The following GSN variants were observed in gnomAD, a reference collection of about 807,000 sequenced individuals.
GSN encodes the protein gelsolin.
A neutral mutation model predicts 85.7 loss-of-function variants in GSN; 56 were observed. The observed-to-expected ratio is 0.65, with a 90% CI of 0.53 to 0.82. The LOEUF (loss-of-function observed/expected upper bound fraction) is 0.82, where lower values mean the gene tolerates loss of function less well. Ranked by LOEUF, GSN falls within the 40% of genes least tolerant of loss-of-function variation. The pLI is 0.00. For missense variants in GSN, 857 were observed against 979.8 expected (o/e 0.87, Z 1.67); for synonymous variants, 373 against 399.1 (o/e 0.93, Z 0.78).
chr9:121,318,485 G>A lies in GSN; in HGVS notation c.966G>A (p.Lys322=), dbSNP rs1325684104. The A allele has an allele frequency of 1.9e-6, 3 of 1,612,864 alleles. No homozygotes were observed. Among genetic ancestry groups the A allele is most frequent in the Admixed American group, 3.3e-5 (2 of 60,030 alleles). Residue 322 remains lysine, a synonymous_variant, in exon 9 of 18, where the codon AAG becomes AAA. Transcript: ENST00000432226. This position sits in a 1 kb window ranked among gnomAD's most constrained non-coding sequence, Gnocchi z 4.3. ...SDFITKMDYP[K]QTQVSVLPEG... is the part of the protein sequence containing the mutation. ...TCATCACCAAGATGGACTACCCCAA[G>A]CAGACTCAGGTGAGTCTTGGAGGCC...
At chr9:121,218,258 C>G (rs534521739) in intron 4 of GSN, among the ~76,000 whole-genome samples, 1 of 152,294 alleles carries the variant, frequency 6.6e-6, no homozygotes, top group African/African-American at 2.4e-5. Context: ...TTGAGAATAA[C>G]AGGGAATTGC....
At chr9:121,298,851 G>A (rs1365410223) in intron 2 of GSN, among the ~76,000 whole-genome samples, 1 of 152,150 alleles carries the variant, frequency 6.6e-6, no homozygotes, top group Non-Finnish European at 1.5e-5. Context: ...AGTTTGGATA[G>A]CACTTCCCTT....
chr9:121,290,935 C>A (rs977496784), intron 2 of GSN, among the ~76,000 whole-genome samples: 2 of 151,988 alleles, frequency 1.3e-5, no homozygotes, highest in Non-Finnish European at 2.9e-5. Flanking sequence ...CCTCAGCCTC[C>A]CAAAGTGCTG....
At chr9:121,222,149 T>A (rs1007273232) in intron 4 of GSN, 2 of 152,200 alleles carry the variant, frequency 1.3e-5, no homozygotes, top group Non-Finnish European at 2.9e-5. Flanking sequence ...TTGGATCATA[T>A]GAAATGTATA....
upstream of GSN, among the ~76,000 whole-genome samples, chr9:121,266,015 A>G (rs1229763142): frequency 1.3e-5 from 2 of 152,092 alleles, no homozygotes; most frequent in Middle Eastern, 3.2e-3. Flanking sequence ...TCATCAATCA[A>G]TCATCATCAT....
intron 4 of GSN, among the ~76,000 whole-genome samples, chr9:121,228,184 G>T (rs998972863): frequency 1.3e-5 from 2 of 151,824 alleles, no homozygotes; most frequent in Admixed American, 1.3e-4. Context: ...ATCTTAGGAA[G>T]CATGCCTTCC....
intron 6 of GSN, among the ~76,000 whole-genome samples, chr9:121,255,036 C>T (rs184830111): frequency 6.6e-6 from 1 of 152,228 alleles, no homozygotes; most frequent in East Asian, 1.9e-4. Context: ...GCAAGCTCTG[C>T]CCCCTGGGTT....
At chr9:121,240,259 G>T (rs148745485) in intron 5 of GSN, among the ~76,000 whole-genome samples, 1 of 152,088 alleles carries the variant, frequency 6.6e-6, no homozygotes, top group Non-Finnish European at 1.5e-5. Context: ...TCCAATTAAG[G>T]TTGCATTCAG....
Position 121,261,802 on chromosome 9 carries a change from A to G in GSN, c.-340-3352A>G, listed in dbSNP as rs2055091985. ...CCAGCCACTGTTGACAGAGCCCTTT[A>G]TATGCCTGAGGCCTTGACACAGAGA... is the stretch of plus-strand genomic sequence containing the variant. On this transcript the variant is annotated intron_variant, in intron 6 of 24. Coordinates refer to the GSN transcript ENST00000373823. The surrounding 1 kb of genome is among the most constrained non-coding windows in gnomAD (Gnocchi z 4.1). 6.6e-6 allele frequency among the ~76,000 whole-genome samples: 1 copy of G among 152,150 alleles called. No individual in the cohort carries two copies. Among genetic ancestry groups the G allele is most frequent in the South Asian group, 2.1e-4 (1 of 4,826 alleles).
chr9:121,251,146 A>ATTT (rs1159262667), intron 6 of GSN, among the ~76,000 whole-genome samples: 2 of 142,704 alleles, frequency 1.4e-5, no homozygotes, highest in African/African-American at 5.3e-5. Context: ...TTTTAAGTAA[A>ATTT]TTTTTGAACT....
In GSN at chr9:121,253,746, T is replaced by C. The variant is rs536667207; in HGVS notation, c.-341+5423T>C. Among the ~76,000 whole-genome samples, 27 of 152,358 alleles carry C rather than the reference T, an allele frequency of 1.8e-4. No individual in the cohort carries two copies. The East Asian group carries it at 3.3e-3, about 18-fold the overall frequency. ...GAACTGGCGGTTCTCTCTCTGGTTA[T>C]GGCTGAGAGATCTGTGACAATGACT... On this transcript the variant is annotated intron_variant, in intron 6 of 24. Transcript: ENST00000373823.
At chr9:121,248,558 C>T (rs893834298) in intron 6 of GSN, among the ~76,000 whole-genome samples, 22 of 152,116 alleles carry the variant, frequency 1.4e-4, no homozygotes, top group African/African-American at 4.8e-4. Context: ...TTTGAAAATA[C>T]ATGAGATCTG....
At chr9:121,323,664 C>T (rs1426412231) in intron 11 of GSN, among the ~76,000 whole-genome samples, 1 of 152,190 alleles carries the variant, frequency 6.6e-6, no homozygotes, top group African/African-American at 2.4e-5. Flanking sequence ...GCCATCGTGC[C>T]CGGCCCCCAC....
intron 12 of GSN, among the ~76,000 whole-genome samples, chr9:121,325,649 C>T (rs528363424): frequency 2.0e-5 from 3 of 152,248 alleles, no homozygotes; most frequent in South Asian, 2.1e-4. Context: ...GTGCTTCCTC[C>T]GTCCTACGGT....
At chr9:121,252,811 A>G (rs991024880) in intron 6 of GSN, among the ~76,000 whole-genome samples, 1 of 152,226 alleles carries the variant, frequency 6.6e-6, no homozygotes, top group Non-Finnish European at 1.5e-5. Context: ...GCAATTTGTT[A>G]CTATAATATA....
At chr9:121,274,257 T>G (rs2132438262) in intron 1 of GSN, among the ~76,000 whole-genome samples, 1 of 152,330 alleles carries the variant, frequency 6.6e-6, no homozygotes. Context: ...CTCCTACTTT[T>G]TTTTTGTTAT....
rs1232412411 is a variant in GSN, at chr9:121,318,528, G to C, written c.975+34G>C. The stretch of plus-strand genomic sequence containing the variant: ...TGGAGGCCAGGTAGGATGGGAAGGG[G>C]TGGGTCCTGTTTGGAGGGGATGGGC... On this transcript the variant is annotated intron_variant, in intron 9 of 17. Coordinates refer to ENST00000432226, the MANE Select transcript of GSN (RefSeq NM_198252.3). The surrounding 1 kb of genome is among the most constrained non-coding windows in gnomAD (Gnocchi z 4.3). 2 of 1,557,480 alleles carry C rather than the reference G, an allele frequency of 1.3e-6. No individual in the cohort carries two copies. The highest frequency in any genetic ancestry group is 2.2e-5 in the South Asian group (2 of 89,906).
At chr9:121,235,867 G>A (rs1233241756) in intron 5 of GSN, among the ~76,000 whole-genome samples, 1 of 152,214 alleles carries the variant, frequency 6.6e-6, no homozygotes, top group African/African-American at 2.4e-5. Context: ...CAAAAAAGTA[G>A]AATGGAAAGC....
intron 2 of GSN, chr9:121,285,555 T>C (rs118045190): frequency 0.029 from 4,789 of 165,370 alleles, 96 homozygotes; most frequent in Non-Finnish European, 0.041. Flanking sequence ...AAAAAAAAAT[T>C]ATTAATCTTG....
Sources: gnomAD v4.1 joint callset for allele counts (sites outside exome capture counted in the v4.1 genomes callset) on GRCh38, gnomAD v4.1.1 for gene constraint, Gnocchi (gnomAD v3.1) non-coding constraint, MANE v1.5 for transcripts, NCBI Gene and HGNC (gene_info 2026-07-23, HGNC 2026-07-21) for gene names.